MED12L: variants seen among roughly 807,000 people sequenced by gnomAD.
MED12L encodes the protein mediator complex subunit 12L.
In MED12L, 60 loss-of-function variants were observed where a neutral mutation model predicts 281.3. The ratio of observed to expected loss-of-function variants is 0.21; its 90% CI spans 0.17 to 0.26. The LOEUF is 0.26. MED12L is among the 10% of genes least tolerant of loss of function. The pLI is 1.00. For synonymous variants in MED12L, 974 were observed against 987.2 expected (o/e 0.99, Z 0.25); for missense variants, 2,146 against 2,680.9 (o/e 0.80, Z 4.41).
At position 151,334,192 on chromosome 3, in the gene MED12L, C is replaced by CTTTTTTTTTTTTTTTTT. The variant is rs71848482; in HGVS notation, c.2251-15864_2251-15863insTTTTTTTTTTTTTTTTT. Among the ~76,000 whole-genome samples, 57 of 99,416 alleles carry CTTTTTTTTTTTTTTTTT rather than the reference C, an allele frequency of 5.7e-4. 3 individuals carry two copies. The highest frequency in any genetic ancestry group is 2.6e-3 in the East Asian group (8 of 3,066). 65.2% of individuals were successfully genotyped at this position (99,416 alleles called of 152,430 possible). A position where few individuals can be genotyped will look rare whatever the true frequency, so the allele number is the denominator to read the frequency against. ...GATGTTATGTGTTTTTTCTTTCTTT[C>CTTTTTTTTTTTTTTTTT]TTTCTTTTTTTTTTTGCCATTTCTA... On this transcript the variant is annotated intron_variant, in intron 16 of 44. Coordinates refer to ENST00000687756, the MANE Select transcript of MED12L (RefSeq NM_001393769.1).
At chr3:151,158,660 T>G in intron 6 of MED12L, 29 bp from the exon 7 acceptor site, 1 of 1,456,558 alleles carries the variant, frequency 6.9e-7, no homozygotes, top group Middle Eastern at 1.8e-4. Context: ...TTTAACATTA[T>G]TAATGTAATT....
intron 2 of MED12L, among the ~76,000 whole-genome samples, chr3:151,100,310 A>G (rs1560044635): frequency 1.3e-5 from 2 of 152,206 alleles, no homozygotes; most frequent in East Asian, 1.9e-4. Context: ...TCAGCTGTGC[A>G]ACTGCCTCCT....
At chr3:151,133,843 TCA>T (rs1715749729) in intron 5 of MED12L, among the ~76,000 whole-genome samples, 1 of 152,186 alleles carries the variant, frequency 6.6e-6, no homozygotes, top group Admixed American at 6.5e-5. Flanking sequence ...AAAGTAAAAC[TCA>T]CATTGAGTTA....
chr3:151,090,168 G>A (rs1256667175), intron 2 of MED12L, among the ~76,000 whole-genome samples: 2 of 151,968 alleles, frequency 1.3e-5, no homozygotes, highest in African/African-American at 2.4e-5. Flanking sequence ...CTTGGGTTGG[G>A]ACCCTGGCTG....
At chr3:151,404,193 A>G (rs1193970539) in intron 39 of MED12L, among the ~76,000 whole-genome samples, 3 of 152,116 alleles carry the variant, frequency 2.0e-5, no homozygotes, top group East Asian at 1.9e-4. Context: ...GAAAATGTGT[A>G]TTTTTGCTAT....
intron 16 of MED12L, among the ~76,000 whole-genome samples, chr3:151,265,354 A>C (rs1739635026): frequency 6.6e-6 from 1 of 152,248 alleles, no homozygotes; most frequent in Non-Finnish European, 1.5e-5. Context: ...TTCCCAGCAC[A>C]GACGTGGAAT....
At chr3:151,390,272 A>G (rs1714026285) in intron 38 of MED12L, 137 bp downstream of exon 38, 1 of 803,150 alleles carries the variant, frequency 1.2e-6, no homozygotes, top group East Asian at 2.5e-5. Flanking sequence ...AATTCCCTTC[A>G]CACAGAAATG....
rs1735440447 is a variant in MED12L, at chr3:151,246,266, A to T, written c.2250+52600A>T. ...GCCTTTCTTCACAGAATTGGAAAAA[A>T]CTACTTTAAAGTTCATATGGAACCA... On this transcript the variant is annotated intron_variant, in intron 16 of 44. Transcript: ENST00000687756. Among the ~76,000 whole-genome samples the T allele has an allele frequency of 3.3e-5, 5 of 152,334 alleles. No homozygotes were observed. In the South Asian group the frequency reaches 6.2e-4, roughly 19 times the overall value.
At chr3:151,232,826 A>G (rs961078649) in intron 16 of MED12L, among the ~76,000 whole-genome samples, 2 of 152,166 alleles carry the variant, frequency 1.3e-5, no homozygotes, top group African/African-American at 4.8e-5. Flanking sequence ...AAAGATAACT[A>G]TTGGGTACTA....
intron 2 of MED12L, among the ~76,000 whole-genome samples, chr3:151,112,771 A>T (rs1391763808): frequency 1.3e-5 from 2 of 152,126 alleles, no homozygotes; most frequent in Non-Finnish European, 2.9e-5. Context: ...GAGTGCCCCT[A>T]CTCTGGGTGA....
chr3:151,391,578 C>A (rs62285885), intron 38 of MED12L, among the ~76,000 whole-genome samples: 9,221 of 151,684 alleles, frequency 0.061, 421 homozygotes, highest in Middle Eastern at 0.18. Flanking sequence ...AATAGGCGAT[C>A]AACTACAAAA....
At chr3:151,357,097 T>C in intron 19 of MED12L, 116 bp from the exon 20 acceptor site, 1 of 914,710 alleles carries the variant, frequency 1.1e-6, no homozygotes, top group East Asian at 2.7e-5. Flanking sequence ...AAAAGTTAAA[T>C]TTAGGGAATG....
intron 16 of MED12L, 77 bp downstream of exon 16, chr3:151,193,743 C>A: frequency 7.9e-7 from 1 of 1,268,052 alleles, no homozygotes; most frequent in South Asian, 1.4e-5. Flanking sequence ...TCAGATTATT[C>A]AACTGTATTC....
intron 16 of MED12L, among the ~76,000 whole-genome samples, chr3:151,345,756 G>A (rs1159385170): frequency 6.6e-6 from 1 of 151,918 alleles, no homozygotes; most frequent in Non-Finnish European, 1.5e-5. Flanking sequence ...GACCTCAGGT[G>A]ATCCTCCACC....
chr3:151,376,826 A>T lies in MED12L; in HGVS notation c.4080A>T (p.Gln1360His). ...LQNLEQWTLR[Q>H]SWLELQLMIK... ...ATCTTGAGCAGTGGACACTGAGGCA[A>T]TCCTGGTTAGAACTCCAGCTAATGA... is the stretch of plus-strand genomic sequence containing the variant. Residue 1360 changes from glutamine (Q) to histidine (H), a missense_variant, in exon 29 of 45, where the codon CAA becomes CAT. Physicochemically the swap from Gln to His is conservative, Grantham distance 24. This residue lies in a region of MED12L where 235 missense variants were observed against 260.3 expected (regional missense o/e 0.90). Transcript: ENST00000687756. 6.2e-7 allele frequency: 1 copy of T among 1,614,060 alleles called. No homozygotes were observed. Among genetic ancestry groups the T allele is most frequent in the Non-Finnish European group, 8.5e-7 (1 of 1,179,940 alleles).
intron 36 of MED12L, among the ~76,000 whole-genome samples, chr3:151,387,609 T>C (rs1713607153): frequency 6.6e-6 from 1 of 152,146 alleles, no homozygotes; most frequent in African/African-American, 2.4e-5. Flanking sequence ...GTTAAAGAAC[T>C]GTAGAACCGG....
chr3:151,128,098 A>G, intron 5 of MED12L, 114 bp downstream of exon 5: 6 of 916,104 alleles, frequency 6.5e-6, no homozygotes, highest in Non-Finnish European at 1.0e-5. Flanking sequence ...GTCCGTGGTG[A>G]GACTGATTTG....
intron 16 of MED12L, among the ~76,000 whole-genome samples, chr3:151,267,794 T>A (rs1377157930): frequency 6.6e-6 from 1 of 152,024 alleles, no homozygotes; most frequent in Admixed American, 6.5e-5. Context: ...TAAGGCAGAG[T>A]AATAAGAAAG....
At chr3:151,169,814 C>G (rs1477532850) in intron 11 of MED12L, among the ~76,000 whole-genome samples, 1 of 152,138 alleles carries the variant, frequency 6.6e-6, no homozygotes, top group Admixed American at 6.5e-5. Context: ...ATTTAGATAG[C>G]ACGATAGATA....
Sources: gnomAD v4.1 joint callset for allele counts (sites outside exome capture counted in the v4.1 genomes callset) on GRCh38, gnomAD v4.1.1 for gene constraint, gnomAD v4.1.1 regional missense constraint, MANE v1.5 for transcripts, NCBI Gene and HGNC (gene_info 2026-07-23, HGNC 2026-07-21) for gene names.